The following SLIT3 variants were observed in gnomAD, a reference collection of about 807,000 sequenced individuals.
The protein encoded by SLIT3 is slit guidance ligand 3.
A neutral mutation model predicts 184.0 loss-of-function variants in SLIT3; 68 were observed. The observed-to-expected ratio is 0.37, with a 90% CI of 0.30 to 0.45. The LOEUF is 0.45. Among genes scored for constraint, SLIT3 ranks in the 20% least tolerant of loss-of-function variants. The probability of loss-of-function intolerance (pLI) is 1.00; values close to 1 mark genes in which losing one functional copy is unlikely to be tolerated. For synonymous variants in SLIT3, 831 were observed against 828.6 expected, an observed-to-expected ratio of 1.00 and a Z score of -0.05; for missense variants, 1,707 against 2,026.0, an observed-to-expected ratio of 0.84 and a Z score of 3.02.
chr5:168,979,425 C>T (rs756494666), intron 4 of SLIT3, among the ~76,000 whole-genome samples: 5 of 152,182 alleles, frequency 3.3e-5, no homozygotes, highest in Non-Finnish European at 7.3e-5. Context: ...TGGCATGCAA[C>T]AATCAGAGAG....
intron 4 of SLIT3, among the ~76,000 whole-genome samples, chr5:169,058,304 C>CT (rs1758074292): frequency 6.6e-6 from 1 of 152,206 alleles, no homozygotes; most frequent in African/African-American, 2.4e-5. Context: ...CTTTGTCCAC[C>CT]TGCTTGCTTA....
chr5:168,670,048 A>T, intron 34 of SLIT3, 57 bp from the exon 35 acceptor site: 3 of 1,489,980 alleles, frequency 2.0e-6, no homozygotes, highest in South Asian at 2.3e-5. Context: ...GCTGCTGGGG[A>T]CTCCCTCTGT....
chr5:169,107,652 G>T (rs924097100), intron 4 of SLIT3, among the ~76,000 whole-genome samples: 2 of 152,206 alleles, frequency 1.3e-5, no homozygotes, highest in Non-Finnish European at 2.9e-5. Context: ...TGTGCAGAAG[G>T]CTTGGAGCCT....
intron 6 of SLIT3, among the ~76,000 whole-genome samples, chr5:168,830,254 A>G (rs1046562751): frequency 2.0e-5 from 3 of 152,152 alleles, no homozygotes; most frequent in African/African-American, 7.2e-5. Context: ...CGCTCAGCCC[A>G]GGGCCTCCAT....
At chr5:168,951,778 G>T (rs1161182847) in intron 4 of SLIT3, among the ~76,000 whole-genome samples, 1 of 152,166 alleles carries the variant, frequency 6.6e-6, no homozygotes, top group African/African-American at 2.4e-5. Context: ...CCAGGCCAAG[G>T]CTCATCTGTT....
At chr5:168,934,588 G>T (rs1390584331) in intron 4 of SLIT3, among the ~76,000 whole-genome samples, 1 of 152,102 alleles carries the variant, frequency 6.6e-6, no homozygotes, top group Non-Finnish European at 1.5e-5. Context: ...GAGCACACAG[G>T]ATCACAGCAG....
At chr5:168,752,316 C>T (rs1754745115) in intron 18 of SLIT3, 1 of 153,298 alleles carries the variant, frequency 6.5e-6, no homozygotes, top group African/African-American at 2.4e-5. Flanking sequence ...ACTGCACTGT[C>T]CACTTTCTTC....
At chr5:169,061,879 C>T (rs932935998) in intron 4 of SLIT3, among the ~76,000 whole-genome samples, 1 of 152,168 alleles carries the variant, frequency 6.6e-6, no homozygotes, top group African/African-American at 2.4e-5. Context: ...ACCCCACTCC[C>T]TACCCTCTGG....
At chr5:168,868,522 G>A (rs1311554984) in intron 5 of SLIT3, among the ~76,000 whole-genome samples, 1 of 152,090 alleles carries the variant, frequency 6.6e-6, no homozygotes, top group East Asian at 1.9e-4. Flanking sequence ...GGACAAAGGG[G>A]GCGGATCACG....
At chr5:168,788,150 A>C (rs1756226200) in intron 11 of SLIT3, among the ~76,000 whole-genome samples, 1 of 152,012 alleles carries the variant, frequency 6.6e-6, no homozygotes, top group African/African-American at 2.4e-5. Flanking sequence ...GAAACCAGAC[A>C]AGGGAAGAGA....
intron 7 of SLIT3, among the ~76,000 whole-genome samples, chr5:168,820,262 C>T (rs1447990941): frequency 1.3e-5 from 2 of 152,030 alleles, no homozygotes; most frequent in African/African-American, 2.4e-5. Context: ...AGGCTCTTAT[C>T]CCCCTTCTTC....
chr5:169,272,956 C>G (rs1038499963), intron 1 of SLIT3, among the ~76,000 whole-genome samples: 2 of 152,192 alleles, frequency 1.3e-5, no homozygotes, highest in South Asian at 2.1e-4. Context: ...CAGGCATGAC[C>G]TTTCCCGTTG....
At chr5:168,844,522 G>GAC in intron 6 of SLIT3, 62 bp downstream of exon 6, 8 of 1,455,782 alleles carry the variant, frequency 5.5e-6, no homozygotes, top group Non-Finnish European at 6.7e-6. Flanking sequence ...TCCCCACACA[G>GAC]ACACACACAC....
intron 2 of SLIT3, among the ~76,000 whole-genome samples, chr5:169,247,691 C>T (rs1765638750): frequency 6.6e-6 from 1 of 152,070 alleles, no homozygotes; most frequent in Non-Finnish European, 1.5e-5. Context: ...AAGACAAGGT[C>T]TCACTTTGTC....
At chr5:169,051,818 G>A (rs1422510227) in intron 4 of SLIT3, among the ~76,000 whole-genome samples, 2 of 152,124 alleles carry the variant, frequency 1.3e-5, no homozygotes, top group Non-Finnish European at 2.9e-5. Context: ...GAGAGGGGGA[G>A]AGACAGAAAG....
At chr5:169,174,110 C>T (rs1473350195) in intron 4 of SLIT3, among the ~76,000 whole-genome samples, 1 of 152,218 alleles carries the variant, frequency 6.6e-6, no homozygotes, top group Non-Finnish European at 1.5e-5. Flanking sequence ...CTGAAAGAAG[C>T]TGCAAGATGC....
At position 168,829,489 on chromosome 5, in the gene SLIT3, G is replaced by A. The variant is rs530455612; in HGVS notation, c.558-6158C>T. 3.9e-5 allele frequency among the ~76,000 whole-genome samples: 6 copies of A among 152,300 alleles called. No individual in the cohort carries two copies. In the South Asian group the frequency reaches 1.2e-3, roughly 32 times the overall value. ...TGGCCCACTCATGTCCTGTCTCAAG[G>A]CAGATAGACTTCTCCCTAAGTCTAC... On this transcript the variant is annotated intron_variant, in intron 6 of 35. Transcript: ENST00000519560.
rs370457209 is a variant in SLIT3 at position 169,292,529 on chromosome 5, C to T, written c.197+7984G>A. ...CCTCAACATTTTTTTCCATCCCAGC[C>T]GGAAAGAACGGGGCAATATATTTAT... On this transcript the variant is annotated intron_variant, in intron 1 of 35. Transcript: ENST00000519560. Among the ~76,000 whole-genome samples, 27 of 152,012 alleles carry T rather than the reference C, an allele frequency of 1.8e-4. No homozygotes were observed. In the East Asian group the frequency reaches 3.1e-3, roughly 17 times the overall value.
chr5:169,168,122 G>A (rs1037564823), intron 4 of SLIT3, among the ~76,000 whole-genome samples: 13 of 152,194 alleles, frequency 8.5e-5, no homozygotes, highest in African/African-American at 3.1e-4. Context: ...CTCCTACACC[G>A]TAGGTCAACA....
Sources: gnomAD v4.1 joint callset for allele counts (sites outside exome capture counted in the v4.1 genomes callset) on GRCh38, gnomAD v4.1.1 for gene constraint, MANE v1.5 for transcripts, NCBI Gene and HGNC (gene_info 2026-07-23, HGNC 2026-07-21) for gene names.